The following KNL1 variants were observed in gnomAD, a reference collection of about 807,000 sequenced individuals.
The protein encoded by KNL1 is kinetochore scaffold 1, also known as outer kinetochore KNL1 complex subunit KNL1.
Under a neutral mutation model 201.3 loss-of-function variants are expected in KNL1, and 66 were observed. The ratio of observed to expected loss-of-function variants is 0.33; its 90% CI spans 0.27 to 0.40. The LOEUF is 0.40. Ranked by LOEUF, KNL1 falls within the 10% of genes least tolerant of loss-of-function variation. The pLI, the probability that KNL1 is intolerant of heterozygous loss-of-function variation, is 1.00. For synonymous variants in KNL1, 895 were observed against 899.2 expected (o/e 1.00, Z 0.08); for missense variants, 2,815 against 2,690.5 (o/e 1.05, Z -1.02).
intron 14 of KNL1, 86 bp downstream of exon 14, chr15:40,641,113 T>G (rs1893216836): frequency 1.1e-6 from 1 of 878,188 alleles, no homozygotes; most frequent in Admixed American, 2.4e-5. Context: ...ATTAGAATAA[T>G]GCTGGCATGG....
intron 1 of KNL1, among the ~76,000 whole-genome samples, chr15:40,595,486 A>G (rs1379489187): frequency 2.0e-5 from 3 of 152,230 alleles, no homozygotes; most frequent in Non-Finnish European, 4.4e-5. Flanking sequence ...TCAAAGCAGT[A>G]TAATTCTTGA....
At chr15:40,610,167 AAC>A (rs2141705435) in intron 5 of KNL1, 76 bp from the exon 6 acceptor site, 1 of 809,684 alleles carries the variant, frequency 1.2e-6, no homozygotes, top group Non-Finnish European at 2.1e-6. Flanking sequence ...GACCTATCTC[AAC>A]ACAGACTATA....
At chr15:40,626,446 C>T (rs1300938351) in intron 10 of KNL1, among the ~76,000 whole-genome samples, 5 of 151,612 alleles carry the variant, frequency 3.3e-5, no homozygotes, top group African/African-American at 1.2e-4. Flanking sequence ...CCTGATATTA[C>T]AGGAGTGAGC....
chr15:40,661,384 C>T (rs1274230463), intron 25 of KNL1, among the ~76,000 whole-genome samples: 2 of 151,794 alleles, frequency 1.3e-5, no homozygotes, highest in African/African-American at 2.4e-5. Context: ...CCCAGCTACT[C>T]GGGAGGCCGA....
intron 6 of KNL1, among the ~76,000 whole-genome samples, chr15:40,610,560 G>C (rs1018446898): frequency 1.3e-5 from 2 of 151,934 alleles, no homozygotes; most frequent in Admixed American, 1.3e-4. Flanking sequence ...AGCCAGGTGT[G>C]GGGGTGCATT....
intron 22 of KNL1, among the ~76,000 whole-genome samples, chr15:40,656,614 G>C (rs948221053): frequency 4.0e-5 from 6 of 151,614 alleles, no homozygotes; most frequent in African/African-American, 1.5e-4. Context: ...ATCTGGGCAT[G>C]GTGGCTCATG....
At position 40,611,998 on chromosome 15, in the gene KNL1, G is replaced by C. The variant is rs538545845; in HGVS notation, c.284+487G>C. On this transcript the variant is annotated intron_variant, in intron 7 of 25. Transcript: ENST00000399668. ...AGTTCGAGACCAGCCTGGCCAACATGATGAAACCCCATCTCTACTAAAAAA... is the reference window on the plus strand; with the variant it reads ...AGTTCGAGACCAGCCTGGCCAACATCATGAAACCCCATCTCTACTAAAAAA... Among the ~76,000 whole-genome samples, 29 of 152,208 alleles carry C rather than the reference G, an allele frequency of 1.9e-4. 1 individual carries two copies. Among genetic ancestry groups the C allele is most frequent in the African/African-American group, 7.0e-4 (29 of 41,538 alleles).
intron 16 of KNL1, 156 bp from the exon 17 acceptor site, chr15:40,646,831 T>C (rs1411532147): frequency 2.4e-6 from 1 of 409,516 alleles, no homozygotes; most frequent in African/African-American, 2.6e-5. Context: ...CACTCCAGCC[T>C]GGGTAACAGA....
At chr15:40,648,077 TAA>T (rs146182973) in intron 17 of KNL1, among the ~76,000 whole-genome samples, 3,009 of 152,240 alleles carry the variant, frequency 0.02, 99 homozygotes, top group African/African-American at 0.07. Flanking sequence ...AGAAAATAAA[TAA>T]AAATATTTAA....
At chr15:40,644,906 G>T (rs1393894158) in intron 14 of KNL1, 91 bp from the exon 15 acceptor site, 5 of 684,010 alleles carry the variant, frequency 7.3e-6, no homozygotes, top group Non-Finnish European at 1.2e-5. Context: ...TCCAAATGGA[G>T]TCTCTTACGT....
intron 9 of KNL1, 83 bp downstream of exon 9, chr15:40,619,094 GT>G: frequency 1.1e-6 from 1 of 947,880 alleles, no homozygotes. Flanking sequence ...TAATGGCATA[GT>G]TTAGGGATGA....
intron 13 of KNL1, among the ~76,000 whole-genome samples, chr15:40,632,000 C>T (rs1279182807): frequency 6.7e-6 from 1 of 148,316 alleles, no homozygotes; most frequent in Admixed American, 6.7e-5. Context: ...CAGAACAAGA[C>T]CCTATCTCAA....
chr15:40,594,717 C>T (rs767296491), intron 1 of KNL1, among the ~76,000 whole-genome samples: 1 of 152,104 alleles, frequency 6.6e-6, no homozygotes. Context: ...TGTCAGGGCT[C>T]GCGGACTCTT....
chr15:40,631,345 C>T (rs1340223063), intron 13 of KNL1, among the ~76,000 whole-genome samples: 1 of 151,548 alleles, frequency 6.6e-6, no homozygotes. Flanking sequence ...TCAAAGAAGT[C>T]GAAAATATTT....
intron 22 of KNL1, among the ~76,000 whole-genome samples, 172 bp from the exon 23 acceptor site, chr15:40,656,870 A>C (rs1183521342): frequency 6.6e-6 from 1 of 152,140 alleles, no homozygotes; most frequent in Non-Finnish European, 1.5e-5. Flanking sequence ...TGGGTGACAG[A>C]GGGAGACAGG....
At chr15:40,615,530 A>T in intron 8 of KNL1, 152 bp downstream of exon 8, 1 of 255,398 alleles carries the variant, frequency 3.9e-6, no homozygotes, top group South Asian at 5.6e-5. Context: ...GTATTTTGGC[A>T]GGCTGAGGCA....
chr15:40,651,690 G>A, intron 20 of KNL1, 118 bp downstream of exon 20: 1 of 650,170 alleles, frequency 1.5e-6, no homozygotes. Context: ...ATACAGTGCT[G>A]TTTCAAAAAG....
At chr15:40,614,849 A>G (rs1031764074) in intron 7 of KNL1, among the ~76,000 whole-genome samples, 3 of 152,108 alleles carry the variant, frequency 2.0e-5, no homozygotes, top group Non-Finnish European at 2.9e-5. Context: ...GAATTGCTTT[A>G]TAGGTCATTT....
rs778814932 is a variant in KNL1, at chr15:40,662,184, A to G, written c.6947A>G (p.His2316Arg). The change falls in exon 26 of 26, where the codon CAC (histidine) becomes CGC (arginine). Residue 2316 changes from histidine (H) to arginine (R), a missense_variant. Coordinates refer to ENST00000399668, the MANE Select transcript of KNL1 (RefSeq NM_144508.5). ...CTGTTTCAGGACTGCCATTTCTACC[A>G]CTAGACCCTTGGACCACCATTGGAA... Reference protein sequence around the residue: ...QDLFQDCHFYH With the variant: ...QDLFQDCHFYR The G allele has an allele frequency of 1.9e-6, 3 of 1,560,648 alleles. No individual in the cohort carries two copies. Among genetic ancestry groups the G allele is most frequent in the Admixed American group, 3.3e-5 (2 of 59,868 alleles).
Sources: gnomAD v4.1 joint callset for allele counts (sites outside exome capture counted in the v4.1 genomes callset) on GRCh38, gnomAD v4.1.1 for gene constraint, MANE v1.5 for transcripts, NCBI Gene and HGNC (gene_info 2026-07-23, HGNC 2026-07-21) for gene names.